ADRA1A: variants seen among roughly 807,000 people sequenced by gnomAD.
ADRA1A encodes the protein adrenoceptor alpha 1A, also known as alpha-1A adrenergic receptor.
A neutral mutation model predicts 29.6 loss-of-function variants in ADRA1A; 31 were observed. The ratio of observed to expected loss-of-function variants is 1.05; its 90% CI spans 0.79 to 1.41. ADRA1A has a LOEUF of 1.41. Among genes scored for constraint, ADRA1A ranks in the 40% most tolerant of loss-of-function variants. The pLI is 0.00. For missense variants in ADRA1A, 619 were observed against 601.1 expected, an observed-to-expected ratio of 1.03 and a Z score of -0.31; for synonymous variants, 311 against 254.3, an observed-to-expected ratio of 1.22 and a Z score of -2.12.
At position 26,787,983 on chromosome 8, in the gene ADRA1A, G is replaced by T. The variant is rs1261728027; in HGVS notation, c.884-17317C>A. On this transcript the variant is annotated intron_variant, in intron 2 of 2. Transcript: ENST00000380573. This position sits in a 1 kb window ranked among gnomAD's most constrained non-coding sequence, Gnocchi z 4.2. ...GACATTGAGTACATCTTCCTGCAGA[G>T]ATGCCCCTGGATGTGTGGTTCTGGT... 4.0e-5 allele frequency among the ~76,000 whole-genome samples: 6 copies of T among 151,772 alleles called. No individual in the cohort carries two copies. Among genetic ancestry groups the T allele is most frequent in the African/African-American group, 1.5e-4 (6 of 41,266 alleles).
intron 2 of ADRA1A, among the ~76,000 whole-genome samples, chr8:26,845,436 G>A (rs77958271): frequency 0.051 from 7,823 of 152,246 alleles, 291 homozygotes; most frequent in Admixed American, 0.11. Context: ...AAAATGACAA[G>A]TAATGGTGAG....
chr8:26,852,131 A>T (rs117934029), intron 2 of ADRA1A, among the ~76,000 whole-genome samples: 5,506 of 152,264 alleles, frequency 0.036, 129 homozygotes, highest in Middle Eastern at 0.12. Context: ...AACAACAACA[A>T]CAACACAATG....
At chr8:26,827,652 C>T (rs115750522) in intron 2 of ADRA1A, among the ~76,000 whole-genome samples, 1 of 151,536 alleles carries the variant, frequency 6.6e-6, no homozygotes, top group Admixed American at 6.6e-5. Flanking sequence ...AACAAGAATG[C>T]TCAATTTATT....
intron 2 of ADRA1A, among the ~76,000 whole-genome samples, chr8:26,845,328 A>G (rs1302522240): frequency 1.3e-5 from 2 of 152,258 alleles, no homozygotes. Flanking sequence ...CCAAACATGC[A>G]TATGAAAAGA....
chr8:26,757,524 C>CA (rs1554489014), intron 2 of ADRA1A, among the ~76,000 whole-genome samples: 6 of 151,640 alleles, frequency 4.0e-5, no homozygotes, highest in East Asian at 2.0e-4. Context: ...CCCCACCCCC[C>CA]ACCTCTGCTC....
At chr8:26,832,236 G>A (rs1811032711) in intron 2 of ADRA1A, among the ~76,000 whole-genome samples, 1 of 152,204 alleles carries the variant, frequency 6.6e-6, no homozygotes, top group South Asian at 2.1e-4. Flanking sequence ...CTCCTGCCTT[G>A]CTGGTGAAAC....
chr8:26,765,928 C>A, downstream of ADRA1A: 1 of 1,483,612 alleles, frequency 6.7e-7, no homozygotes. Context: ...ATGAAACCTA[C>A]TGGGCCAGAA....
chr8:26,854,431 G>GGC (rs1554513030), intron 2 of ADRA1A: 3 of 116,388 alleles, frequency 2.6e-5, no homozygotes, highest in Admixed American at 1.8e-4. Context: ...GGCGGGGGGG[G>GGC]GGAGCAGGCA....
At chr8:26,832,452 A>G (rs917330930) in intron 2 of ADRA1A, among the ~76,000 whole-genome samples, 2 of 152,154 alleles carry the variant, frequency 1.3e-5, no homozygotes, top group Admixed American at 6.5e-5. Context: ...AGAGGAAAGG[A>G]GGAATACAAT....
At chr8:26,812,816 C>T (rs1055482792) in intron 2 of ADRA1A, among the ~76,000 whole-genome samples, 8 of 151,922 alleles carry the variant, frequency 5.3e-5, no homozygotes, top group South Asian at 2.1e-4. Context: ...AGGCGCCCGC[C>T]ACCACGCCAG....
chr8:26,846,124 G>A (rs1360675430), intron 2 of ADRA1A, among the ~76,000 whole-genome samples: 2 of 152,178 alleles, frequency 1.3e-5, no homozygotes, highest in South Asian at 2.1e-4. Context: ...GACAAATATT[G>A]CCTCTTTGGG....
intron 2 of ADRA1A, among the ~76,000 whole-genome samples, chr8:26,836,750 T>C (rs1342612552): frequency 6.6e-6 from 1 of 152,178 alleles, no homozygotes; most frequent in Non-Finnish European, 1.5e-5. Flanking sequence ...AAAAATAAAC[T>C]ACAAAGAGAT....
rs1813801895 is a variant in ADRA1A, at chr8:26,865,012, C to A, written c.-43G>T. The A allele has an allele frequency of 6.5e-7, 1 of 1,536,118 alleles. No individual in the cohort carries two copies. Among genetic ancestry groups the A allele is most frequent in the African/African-American group, 1.4e-5 (1 of 72,692 alleles). On this transcript the variant is annotated 5_prime_UTR_variant, in exon 2 of 3. Transcript: ENST00000380573. This position sits in a 1 kb window ranked among gnomAD's most constrained non-coding sequence, Gnocchi z 7.6. ...GGCGAGGTCCGGCTGTCCAGGGCCA[C>A]CTCCCGGGCTGGCGCGGAGGCGGGA... is the stretch of plus-strand genomic sequence containing the variant.
In ADRA1A at chr8:26,813,423, GAATT is replaced by G. The variant is rs558754642; in HGVS notation, c.884-42761_884-42758del. ...TTGAGCTTCCTTCTTACAAATAAAT[GAATT>G]AATTAAGACCCTACTTGCAAGAAAA... On this transcript the variant is annotated intron_variant, in intron 2 of 2. Coordinates refer to ENST00000380573, the MANE Select transcript of ADRA1A (RefSeq NM_000680.4). 1.3e-3 allele frequency among the ~76,000 whole-genome samples: 192 copies of G among 152,130 alleles called. 1 individual carries two copies. The highest frequency in any genetic ancestry group is 6.8e-3 in the Middle Eastern group (2 of 294).
At chr8:26,812,106 G>A (rs937166320) in intron 2 of ADRA1A, among the ~76,000 whole-genome samples, 1 of 152,102 alleles carries the variant, frequency 6.6e-6, no homozygotes, top group African/African-American at 2.4e-5. Flanking sequence ...CTTGGAAGAC[G>A]AAGACAATGA....
At chr8:26,845,722 T>C (rs1331529088) in intron 2 of ADRA1A, among the ~76,000 whole-genome samples, 1 of 152,212 alleles carries the variant, frequency 6.6e-6, no homozygotes, top group Non-Finnish European at 1.5e-5. Flanking sequence ...TAAAATATGG[T>C]ACATTCATAC....
chr8:26,759,464 T>G (rs1378193650), intron 2 of ADRA1A, among the ~76,000 whole-genome samples: 2 of 152,214 alleles, frequency 1.3e-5, no homozygotes, highest in Non-Finnish European at 2.9e-5. Flanking sequence ...TTCACAGAAG[T>G]ACTTTTTAAT....
intron 2 of ADRA1A, among the ~76,000 whole-genome samples, chr8:26,839,727 G>C (rs564345247): frequency 6.6e-6 from 1 of 152,296 alleles, no homozygotes; most frequent in South Asian, 2.1e-4. Context: ...GTAATTTGGC[G>C]GAAGGAGGCA....
At chr8:26,762,526 G>C (rs1423389583), downstream of ADRA1A, among the ~76,000 whole-genome samples, 1 of 152,148 alleles carries the variant, frequency 6.6e-6, no homozygotes, top group Non-Finnish European at 1.5e-5. The surrounding 1 kb of genome is among the most constrained non-coding windows in gnomAD (Gnocchi z 4.0). Context: ...TCTGGAGCAA[G>C]GGCACCCACC....
Sources: gnomAD v4.1 joint callset for allele counts (sites outside exome capture counted in the v4.1 genomes callset) on GRCh38, gnomAD v4.1.1 for gene constraint, Gnocchi (gnomAD v3.1) non-coding constraint, MANE v1.5 for transcripts, NCBI Gene and HGNC (gene_info 2026-07-23, HGNC 2026-07-21) for gene names.